FRAS1: variants seen among roughly 807,000 people sequenced by gnomAD.
The protein encoded by FRAS1 is extracellular matrix organizing protein FRAS1.
FRAS1 carries 290 observed loss-of-function variants against 435.2 expected under a neutral mutation model. The ratio of observed to expected loss-of-function variants is 0.67; its 90% confidence interval spans 0.61 to 0.73. The LOEUF is 0.73. FRAS1 is among the 30% of genes least tolerant of loss of function. The pLI, the probability that FRAS1 is intolerant of heterozygous loss-of-function variation, is 0.00. For missense variants in FRAS1, 4,860 were observed against 5,001.5 expected (o/e 0.97, Z 0.85); for synonymous variants, 1,800 against 1,851.0 (o/e 0.97, Z 0.71).
At chr4:78,312,413 T>C (rs1729063822) in intron 15 of FRAS1, among the ~76,000 whole-genome samples, 1 of 152,084 alleles carries the variant, frequency 6.6e-6, no homozygotes, top group Admixed American at 6.6e-5. Context: ...TTTTTTTCAT[T>C]AATTTCTATG....
intron 6 of FRAS1, among the ~76,000 whole-genome samples, chr4:78,256,830 TA>T (rs1337587669): frequency 3.3e-5 from 5 of 152,254 alleles, no homozygotes; most frequent in East Asian, 3.9e-4. Flanking sequence ...ATTACATACA[TA>T]AAAAAACTCA....
At position 78,479,619 on chromosome 4, in the gene FRAS1, A is replaced by G. The variant is rs2109857698; in HGVS notation, c.8344A>G (p.Ile2782Val). 6.2e-7 allele frequency: 1 copy of G among 1,613,930 alleles called. No homozygotes were observed. The highest frequency in any genetic ancestry group is 8.5e-7 in the Non-Finnish European group (1 of 1,179,826). Residue 2782 changes from isoleucine (I) to valine (V), a missense_variant, in exon 56 of 74, where the codon ATT becomes GTT. Coordinates refer to ENST00000512123, the MANE Select transcript of FRAS1 (RefSeq NM_025074.7). The stretch of plus-strand genomic sequence containing the variant: ...GGCAGATGCCTCTGACAATGCCCGC[A>G]TTGGAAGGGTGGCGACAGCCAAGGT... ...ALADASDNAR[I>V]GRVATAKVLI...
At chr4:78,427,406 T>C (rs1204953126) in intron 35 of FRAS1, among the ~76,000 whole-genome samples, 1 of 152,170 alleles carries the variant, frequency 6.6e-6, no homozygotes, top group African/African-American at 2.4e-5. Flanking sequence ...AGGTTTTCTG[T>C]TATAAGCAAC....
rs541756920 is a variant in FRAS1, at chr4:78,441,430, G to A, written c.5665+133G>A. On this transcript the variant is annotated intron_variant, in intron 41 of 73. Coordinates refer to ENST00000512123, the MANE Select transcript of FRAS1 (RefSeq NM_025074.7). The stretch of plus-strand genomic sequence containing the variant: ...ACCATTTCAAAGAAATGGAAGGAAG[G>A]TAGGAAGGTTTCATTCATTCAACAA... 79 of 877,676 alleles carry A rather than the reference G, an allele frequency of 9.0e-5. No individual in the cohort carries two copies. The East Asian group carries it at 2.1e-3, about 23-fold the overall frequency. 54.4% of individuals were successfully genotyped at this position (877,676 alleles called of 1,614,324 possible).
intron 2 of FRAS1, among the ~76,000 whole-genome samples, chr4:78,098,893 T>C (rs1458962812): frequency 6.6e-6 from 1 of 152,202 alleles, no homozygotes; most frequent in African/African-American, 2.4e-5. Flanking sequence ...GTAGGAATTG[T>C]TGGCAGTATA....
At chr4:78,077,589 C>T (rs180895302) in intron 2 of FRAS1, among the ~76,000 whole-genome samples, 2 of 151,744 alleles carry the variant, frequency 1.3e-5, no homozygotes, top group Admixed American at 6.6e-5. Flanking sequence ...ATCCACCCGC[C>T]TCCTATCCCC....
chr4:78,451,711 G>T (rs1719027009), intron 45 of FRAS1, 61 bp from the exon 46 acceptor site: 3 of 1,416,338 alleles, frequency 2.1e-6, no homozygotes, highest in South Asian at 2.9e-5. Context: ...CACACCTCTT[G>T]CTTCAGAAAT....
chr4:78,318,277 C>CA (rs1419617770), intron 17 of FRAS1, among the ~76,000 whole-genome samples: 1 of 152,138 alleles, frequency 6.6e-6, no homozygotes, highest in East Asian at 1.9e-4. Context: ...TGCTTTTCAC[C>CA]AGTAGCCAGG....
intron 2 of FRAS1, among the ~76,000 whole-genome samples, chr4:78,168,902 C>T (rs1335197560): frequency 1.3e-5 from 2 of 152,022 alleles, no homozygotes; most frequent in Non-Finnish European, 2.9e-5. Flanking sequence ...CTTGTTGAAT[C>T]GTATGAGGGT....
chr4:78,400,884 T>C lies in FRAS1; in HGVS notation c.4126T>C (p.Phe1376Leu), dbSNP rs1427290379. Residue 1376 changes from phenylalanine (F) to leucine (L), a missense_variant, in exon 30 of 74, where the codon TTT becomes CTT. Coordinates refer to ENST00000512123, the MANE Select transcript of FRAS1 (RefSeq NM_025074.7). The stretch of plus-strand genomic sequence containing the variant: ...CAAGATTACACAAGACTACCCCCAG[T>C]TTGGTAACTATTTTTTCCTTTGGCG... ...IYKITQDYPQ[F>L]GEVVLLVNMP... 6.2e-7 allele frequency: 1 copy of C among 1,613,398 alleles called. No homozygotes were observed. Among genetic ancestry groups the C allele is most frequent in the South Asian group, 1.1e-5 (1 of 90,956 alleles).
chr4:78,256,504 G>A (rs1725803377), intron 6 of FRAS1, among the ~76,000 whole-genome samples: 1 of 152,080 alleles, frequency 6.6e-6, no homozygotes, highest in South Asian at 2.1e-4. Context: ...TAAGGGAGGT[G>A]GGAAGGAGGA....
intron 12 of FRAS1, among the ~76,000 whole-genome samples, chr4:78,284,052 A>T (rs148398191): frequency 1.2e-4 from 19 of 152,206 alleles, no homozygotes; most frequent in African/African-American, 4.1e-4. Flanking sequence ...AGAACATCGG[A>T]GGTATCATAA....
intron 60 of FRAS1, among the ~76,000 whole-genome samples, chr4:78,497,445 G>C (rs1720539345): frequency 6.6e-6 from 1 of 151,864 alleles, no homozygotes; most frequent in Non-Finnish European, 1.5e-5. Context: ...AATGACCCAG[G>C]CACCAGGGAA....
chr4:78,453,271 G>C (rs1719081581), intron 47 of FRAS1, among the ~76,000 whole-genome samples: 1 of 152,200 alleles, frequency 6.6e-6, no homozygotes, highest in Non-Finnish European at 1.5e-5. Flanking sequence ...GGCAGTGGCA[G>C]GGGTTAGAAA....
At chr4:78,403,806 C>T (rs1732998379) in intron 30 of FRAS1, among the ~76,000 whole-genome samples, 1 of 152,130 alleles carries the variant, frequency 6.6e-6, no homozygotes, top group Admixed American at 6.5e-5. Flanking sequence ...CATAGCTTAG[C>T]CTAGCCTACC....
intron 2 of FRAS1, among the ~76,000 whole-genome samples, chr4:78,169,719 C>A (rs1316458996): frequency 6.6e-6 from 1 of 152,004 alleles, no homozygotes; most frequent in African/African-American, 2.4e-5. Flanking sequence ...TTTTTCAATG[C>A]AGTAGTAATT....
At chr4:78,125,850 G>A (rs554725925) in intron 2 of FRAS1, among the ~76,000 whole-genome samples, 1 of 152,310 alleles carries the variant, frequency 6.6e-6, no homozygotes, top group African/African-American at 2.4e-5. Flanking sequence ...ACCCACTTGA[G>A]GAGGCAATCT....
intron 2 of FRAS1, among the ~76,000 whole-genome samples, chr4:78,200,527 T>C (rs867691214): frequency 6.6e-6 from 1 of 152,166 alleles, no homozygotes; most frequent in African/African-American, 2.4e-5. Flanking sequence ...TTCTAACACG[T>C]ACTTGGAGGC....
chr4:78,165,910 T>C (rs1173647008), intron 2 of FRAS1, among the ~76,000 whole-genome samples: 1 of 152,112 alleles, frequency 6.6e-6, no homozygotes, highest in Admixed American at 6.6e-5. Context: ...TCTACCACAT[T>C]CTGTTTGGTG....
Sources: gnomAD v4.1 joint callset for allele counts (sites outside exome capture counted in the v4.1 genomes callset) on GRCh38, gnomAD v4.1.1 for gene constraint, MANE v1.5 for transcripts, NCBI Gene and HGNC (gene_info 2026-07-23, HGNC 2026-07-21) for gene names.